Variants in THAP4 observed in about 807,000 individuals in gnomAD.
THAP4 encodes the protein peroxynitrite isomerase THAP4.
THAP4 carries 18 observed loss-of-function variants against 48.1 expected under a neutral mutation model. That is an observed-to-expected ratio of 0.37 (90% CI 0.26 to 0.56). The LOEUF is 0.56. Ranked by LOEUF, THAP4 falls within the 20% of genes least tolerant of loss-of-function variation. The pLI is 0.78. For missense variants in THAP4, 656 were observed against 774.9 expected, an observed-to-expected ratio of 0.85 and a Z score of 1.82; for synonymous variants, 345 against 324.9, an observed-to-expected ratio of 1.06 and a Z score of -0.66.
intron 5 of THAP4, among the ~76,000 whole-genome samples, chr2:241,593,304 A>G (rs1428380003): frequency 6.6e-6 from 1 of 152,218 alleles, no homozygotes; most frequent in Non-Finnish European, 1.5e-5. Context: ...AATGTAGATG[A>G]AAATCTTGCT....
At chr2:241,622,673 C>T (rs886985746) in intron 2 of THAP4, among the ~76,000 whole-genome samples, 5 of 152,208 alleles carry the variant, frequency 3.3e-5, no homozygotes, top group African/African-American at 4.8e-5. Context: ...AATTACGGCT[C>T]ACTGCAGCTT....
rs760851240 is a variant in THAP4 at position 241,633,878 on chromosome 2, C to A, written c.279G>T (p.Gly93=). 6.2e-7 allele frequency: 1 copy of A among 1,613,974 alleles called. No homozygotes were observed. The highest frequency in any genetic ancestry group is 8.5e-7 in the Non-Finnish European group (1 of 1,179,920). The change falls in exon 2 of 6, where the codon GGG becomes GGT. Residue 93 remains glycine (G), a synonymous_variant. Coordinates refer to ENST00000407315, the MANE Select transcript of THAP4 (RefSeq NM_015963.6). The surrounding 1 kb of genome is among the most constrained non-coding windows in gnomAD (Gnocchi z 7.5). Reference sequence around the variant, plus strand: ...TCCGGGTGCGGCCATGGCCTCCAGCCCCCCTCTTCTTCTCGGTCAGGTGGA... The same window carrying A: ...TCCGGGTGCGGCCATGGCCTCCAGCACCCCTCTTCTTCTCGGTCAGGTGGA... ...SIFHLTEKKR[G]AGGHGRTRRK...
chr2:241,635,803 C>T (rs923803319), intron 1 of THAP4, among the ~76,000 whole-genome samples: 4 of 152,074 alleles, frequency 2.6e-5, no homozygotes, highest in African/African-American at 9.7e-5. Flanking sequence ...AAAACCAGGC[C>T]CTAATGTGCA....
chr2:241,636,708 A>G (rs2067666302), intron 1 of THAP4, among the ~76,000 whole-genome samples: 1 of 151,802 alleles, frequency 6.6e-6, no homozygotes, highest in South Asian at 2.1e-4. Context: ...GGCCGGATCG[A>G]TCGCGCGCAG....
chr2:241,599,436 C>T (rs1231310554), intron 5 of THAP4, among the ~76,000 whole-genome samples: 2 of 152,042 alleles, frequency 1.3e-5, no homozygotes, highest in African/African-American at 2.4e-5. Context: ...ACCAGTGGCC[C>T]AGTTCAACAC....
intron 2 of THAP4, among the ~76,000 whole-genome samples, chr2:241,631,922 G>C (rs2067568298): frequency 6.7e-6 from 1 of 149,154 alleles, no homozygotes; most frequent in African/African-American, 2.5e-5. Flanking sequence ...TTTTGAGACA[G>C]AGTTGTGCTC....
intron 2 of THAP4, among the ~76,000 whole-genome samples, chr2:241,622,692 G>A (rs902003901): frequency 8.6e-5 from 13 of 151,892 alleles, no homozygotes; most frequent in African/African-American, 2.9e-4. Context: ...TTCAACCTCC[G>A]GGGCTCAAGC....
intron 2 of THAP4, among the ~76,000 whole-genome samples, chr2:241,631,110 A>G (rs951768521): frequency 2.6e-5 from 4 of 152,198 alleles, no homozygotes; most frequent in African/African-American, 9.7e-5. Flanking sequence ...TCAACCCAAG[A>G]ATCCGAAAAT....
At chr2:241,588,290 A>G (rs2066916549) in intron 5 of THAP4, among the ~76,000 whole-genome samples, 1 of 152,230 alleles carries the variant, frequency 6.6e-6, no homozygotes, top group Admixed American at 6.5e-5. Flanking sequence ...ATAGGATGAG[A>G]CTGATCTAAA....
Position 241,636,943 on chromosome 2 carries a change from G to C in THAP4, c.75C>G (p.His25Gln). ...GTGGCGGCCCGGGGCCCGCGTACCT[G>C]TGGAAGGAGACGGCGCGCTTCTCGC... is the stretch of plus-strand genomic sequence containing the variant. The part of the protein sequence containing the change: ...GKGEKRAVSF[H>Q]RFPLKDSKRL... The change falls in exon 1 of 6, where the codon CAC (histidine) becomes CAG (glutamine). Residue 25 changes from histidine to glutamine, a missense_variant and splice_region_variant. By Grantham distance (24) the His-to-Gln change is conservative. This residue lies in a region of THAP4 where 59 missense variants were observed against 45.8 expected (regional missense o/e 1.29). Coordinates refer to ENST00000407315, the MANE Select transcript of THAP4 (RefSeq NM_015963.6). The C allele has an allele frequency of 7.8e-7, 1 of 1,288,672 alleles. No homozygotes were observed. Among genetic ancestry groups the C allele is most frequent in the Non-Finnish European group, 1.0e-6 (1 of 994,078 alleles). The allele number at this position is 1,288,672 out of a possible 1,614,324, so 79.8% of individuals were successfully genotyped here. A position where few individuals can be genotyped will look rare whatever the true frequency, so the allele number is the denominator to read the frequency against.
Position 241,632,915 on chromosome 2 carries a change from A to T in THAP4, c.1240+2T>A. The T allele has an allele frequency of 6.3e-7, 1 of 1,592,016 alleles. No homozygotes were observed. The highest frequency in any genetic ancestry group is 8.6e-7 in the Non-Finnish European group (1 of 1,168,680). On this transcript the variant is annotated splice_donor_variant, in intron 2 of 5. Coordinates refer to ENST00000407315, the MANE Select transcript of THAP4 (RefSeq NM_015963.6). LOFTEE classifies it high-confidence loss of function. ...ATGGGTACGCGAGGCTCCGGTACTG[A>T]CCGCGGCTGGGCGACAGCAGGCTAC...
intron 2 of THAP4, among the ~76,000 whole-genome samples, chr2:241,609,290 A>C (rs1474497475): frequency 6.6e-6 from 1 of 152,232 alleles, no homozygotes; most frequent in Non-Finnish European, 1.5e-5. Flanking sequence ...GGCCTGAGCA[A>C]TTGAGAAGAC....
intron 2 of THAP4, among the ~76,000 whole-genome samples, chr2:241,631,114 C>T (rs983235511): frequency 1.3e-5 from 2 of 152,040 alleles, no homozygotes; most frequent in African/African-American, 4.8e-5. Context: ...CCCAAGAATC[C>T]GAAAATCTAG....
At chr2:241,635,762 CCTT>C (rs1244662878) in intron 1 of THAP4, among the ~76,000 whole-genome samples, 1 of 151,978 alleles carries the variant, frequency 6.6e-6, no homozygotes, top group Non-Finnish European at 1.5e-5. Context: ...GAGGGAGACT[CCTT>C]CTCAAAAAAA....
chr2:241,608,954 G>C (rs568741822), intron 2 of THAP4, among the ~76,000 whole-genome samples: 235 of 152,346 alleles, frequency 1.5e-3, no homozygotes, highest in Non-Finnish European at 2.9e-3. Flanking sequence ...CGTAGGCCTG[G>C]TCTTGCTGGA....
At chr2:241,620,174 AGTGAGTCGGTGAGTGAGGG>A (rs1214429636) in intron 2 of THAP4, among the ~76,000 whole-genome samples, 2 of 40,402 alleles carry the variant, frequency 5.0e-5, no homozygotes, top group Non-Finnish European at 4.3e-5. Context: ...GTGAGGGGTG[AGTGAGTCGGTGAGTGAGGG>A]GTGAGGAGTG....
At position 241,584,692 on chromosome 2, in the gene THAP4, T is replaced by G; in HGVS notation, c.1648A>C (p.Lys550Gln). The change falls in exon 6 of 6, where the codon AAA becomes CAA. Residue 550 changes from lysine (K) to glutamine (Q), a missense_variant. Physicochemically the swap from Lys to Gln is moderately conservative, Grantham distance 53. Coordinates refer to ENST00000407315, the MANE Select transcript of THAP4 (RefSeq NM_015963.6). ...GCCATGGAGACCGTCTGCTCAAGTT[T>G]GCCTTCAGAATTCAGCCTGAACTTC... ...TRKFRLNSEG[K>Q]LEQTVSMATT... 6.2e-7 allele frequency: 1 copy of G among 1,614,228 alleles called. No individual in the cohort carries two copies. The highest frequency in any genetic ancestry group is 8.5e-7 in the Non-Finnish European group (1 of 1,180,020).
intron 5 of THAP4, among the ~76,000 whole-genome samples, chr2:241,599,937 C>T (rs191864775): frequency 6.6e-6 from 1 of 152,308 alleles, no homozygotes; most frequent in African/African-American, 2.4e-5. Context: ...AGGCTGGGCA[C>T]AGTGGCTCAT....
At chr2:241,593,727 C>T (rs1193125488) in intron 5 of THAP4, among the ~76,000 whole-genome samples, 1 of 152,190 alleles carries the variant, frequency 6.6e-6, no homozygotes, top group Non-Finnish European at 1.5e-5. Context: ...CACTCTGTCA[C>T]CCAGGCTGGA....
Sources: allele counts gnomAD v4.1 joint callset (sites outside exome capture counted in the v4.1 genomes callset), GRCh38; gene constraint gnomAD v4.1.1; regional missense constraint gnomAD v4.1.1; non-coding constraint Gnocchi (gnomAD v3.1); transcripts MANE v1.5; gene names NCBI Gene and HGNC (gene_info 2026-07-23, HGNC 2026-07-21).